The following TNFRSF8 variants were observed in gnomAD, a reference collection of about 807,000 sequenced individuals.
The protein encoded by TNFRSF8 is tumor necrosis factor receptor superfamily member 8.
TNFRSF8 carries 26 observed loss-of-function variants against 70.8 expected under a neutral mutation model. That is an observed-to-expected ratio of 0.37 (90% CI 0.27 to 0.51). TNFRSF8 has a LOEUF of 0.51. TNFRSF8 is among the 20% of genes least tolerant of loss of function. The pLI is 0.94. For synonymous variants in TNFRSF8, 356 were observed against 339.2 expected (o/e 1.05, Z -0.54); for missense variants, 720 against 807.9 (o/e 0.89, Z 1.32).
At chr1:12,070,710 T>C (rs1640827012) in intron 1 of TNFRSF8, among the ~76,000 whole-genome samples, 1 of 152,168 alleles carries the variant, frequency 6.6e-6, no homozygotes, top group South Asian at 2.1e-4. Context: ...AGGGATCCTG[T>C]CCGTATTTGG....
At chr1:12,131,433 G>C (rs1642045145) in intron 12 of TNFRSF8, among the ~76,000 whole-genome samples, 1 of 152,224 alleles carries the variant, frequency 6.6e-6, no homozygotes, top group South Asian at 2.1e-4. Context: ...CTGAGCAACA[G>C]AGCGAGCCTC....
chr1:12,109,723 A>C lies in TNFRSF8; in HGVS notation c.512+67A>C. On this transcript the variant is annotated intron_variant, in intron 5 of 14. Coordinates refer to ENST00000263932, the MANE Select transcript of TNFRSF8 (RefSeq NM_001243.5). This position sits in a 1 kb window ranked among gnomAD's most constrained non-coding sequence, Gnocchi z 4.4. ...CTTTCAGATGAGGCTGCCCCACCCC[A>C]CAGGACGCCCATGGTACAACTGGGC... 7.3e-7 allele frequency: 1 copy of C among 1,367,236 alleles called. No homozygotes were observed. The highest frequency in any genetic ancestry group is 1.0e-6 in the Non-Finnish European group (1 of 963,506). The allele number at this position is 1,367,236 out of a possible 1,614,324, so 84.7% of individuals were successfully genotyped here. A position where few individuals can be genotyped will look rare whatever the true frequency, so the allele number is the denominator to read the frequency against.
At position 12,142,676 on chromosome 1, in the gene TNFRSF8, C is replaced by A; in HGVS notation, c.*145C>A. 1 of 1,151,958 alleles carries A rather than the reference C, an allele frequency of 8.7e-7. No homozygotes were observed. The highest frequency in any genetic ancestry group is 1.2e-6 in the Non-Finnish European group (1 of 837,280). The allele number at this position is 1,151,958 out of a possible 1,614,324, so 71.4% of individuals were successfully genotyped here. A position where few individuals can be genotyped will look rare whatever the true frequency, so the allele number is the denominator to read the frequency against. On this transcript the variant is annotated 3_prime_UTR_variant, in exon 15 of 15. Transcript: ENST00000263932. This position sits in a 1 kb window ranked among gnomAD's most constrained non-coding sequence, Gnocchi z 5.0. ...CTAGTGGTGGACCGGCCGGTCACTG[C>A]AGGGGTCTGGTGGTCTCTGCTTGCA...
intron 1 of TNFRSF8, among the ~76,000 whole-genome samples, chr1:12,069,449 G>A (rs903009678): frequency 6.6e-6 from 1 of 152,076 alleles, no homozygotes; most frequent in Non-Finnish European, 1.5e-5. Context: ...CAAAGTGCTG[G>A]GAATACAGGG....
intron 8 of TNFRSF8, among the ~76,000 whole-genome samples, chr1:12,120,918 C>T (rs1164749064): frequency 3.9e-5 from 6 of 152,186 alleles, no homozygotes; most frequent in Non-Finnish European, 1.5e-5. Context: ...TCTGCACATA[C>T]AGGAGGGACA....
Position 12,083,459 on chromosome 1 carries a change from C to T in TNFRSF8, c.64-1005C>T, listed in dbSNP as rs567260272. Among the ~76,000 whole-genome samples, 69 of 152,226 alleles carry T rather than the reference C, an allele frequency of 4.5e-4. 1 individual carries two copies. Among genetic ancestry groups the T allele is most frequent in the South Asian group, 1.0e-3 (5 of 4,826 alleles). ...ATCCCAGCACTTTGGGAGGCCAAGG[C>T]GGGTGGATCATTTGAGGTCAGGAAT... On this transcript the variant is annotated intron_variant, in intron 1 of 14. Coordinates refer to ENST00000263932, the MANE Select transcript of TNFRSF8 (RefSeq NM_001243.5).
chr1:12,064,215 C>G (rs1015387097), intron 1 of TNFRSF8, among the ~76,000 whole-genome samples: 51 of 152,148 alleles, frequency 3.4e-4, no homozygotes, highest in Non-Finnish European at 5.6e-4. Context: ...CCGCGTCCGG[C>G]AAAGCAACGC....
intron 1 of TNFRSF8, among the ~76,000 whole-genome samples, chr1:12,066,287 G>T (rs965709599): frequency 2.0e-5 from 3 of 151,398 alleles, no homozygotes; most frequent in South Asian, 4.2e-4. Context: ...TTCCAGTAAA[G>T]GTTCGGGAAG....
Position 12,123,770 on chromosome 1 carries a change from A to G in TNFRSF8, c.1096A>G (p.Ile366Val), listed in dbSNP as rs777239308. The change falls in exon 10 of 15, where the codon ATC (isoleucine) becomes GTC (valine). Residue 366 changes from isoleucine to valine, a missense_variant. Physicochemically the swap from Ile to Val is conservative, Grantham distance 29. Transcript: ENST00000263932. ...VDSQASKTLP[I>V]PTSAPVALSS... ...CTCCCAGGCCAGTAAGACGCTGCCC[A>G]TCCCAACCAGCGCTCCCGTCGCTCT... is the stretch of plus-strand genomic sequence containing the variant. 2.5e-6 allele frequency: 4 copies of G among 1,581,154 alleles called. No individual in the cohort carries two copies. Among genetic ancestry groups the G allele is most frequent in the Non-Finnish European group, 3.4e-6 (4 of 1,163,122 alleles).
chr1:12,111,951 T>C lies in TNFRSF8; in HGVS notation c.730T>C (p.Cys244Arg). ...PEGSGDCRKQ[C>R]EPDYYLDEAG... ...GGGGTCTGGTGATTGCAGAAAGCAG[T>C]GTGAGCCCGACTACTACCTGGACGA... The change falls in exon 7 of 15, where the codon TGT becomes CGT. Residue 244 changes from cysteine to arginine, a missense_variant. Coordinates refer to ENST00000263932, the MANE Select transcript of TNFRSF8 (RefSeq NM_001243.5). The C allele has an allele frequency of 2.5e-6, 4 of 1,614,200 alleles. No homozygotes were observed. Among genetic ancestry groups the C allele is most frequent in the Non-Finnish European group, 3.4e-6 (4 of 1,180,030 alleles).
chr1:12,109,429 CGG>C lies in TNFRSF8; in HGVS notation c.422-135_422-134del. On this transcript the variant is annotated intron_variant, in intron 4 of 14. Transcript: ENST00000263932. This position sits in a 1 kb window ranked among gnomAD's most constrained non-coding sequence, Gnocchi z 4.4. ...ACTCTGAAGGGGAACGGGTGCCAGG[CGG>C]GTGCCACCTCCAGATGACTGCTGTG... 1 of 634,354 alleles carries C rather than the reference CGG, an allele frequency of 1.6e-6. No homozygotes were observed. Among genetic ancestry groups the C allele is most frequent in the Admixed American group, 2.8e-5 (1 of 36,064 alleles). The allele number at this position is 634,354 out of a possible 1,614,324, so 39.3% of individuals were successfully genotyped here.
rs1160465931 is a variant in TNFRSF8 at position 12,105,558 on chromosome 1, C to G, written c.421+1027C>G. Among the ~76,000 whole-genome samples the G allele has an allele frequency of 5.9e-5, 7 of 118,826 alleles. No homozygotes were observed. In the East Asian group the frequency reaches 1.5e-3, roughly 26 times the overall value. The allele number at this position is 118,826 out of a possible 152,430, so 78.0% of individuals were successfully genotyped here. ...TCTCTCTCTCTCTCTCTCACTCACT[C>G]ACTCTCTCTCTGTCTCACACACACA... is the stretch of plus-strand genomic sequence containing the variant. On this transcript the variant is annotated intron_variant, in intron 4 of 14. Transcript: ENST00000263932.
chr1:12,138,295 C>G lies in TNFRSF8; in HGVS notation c.1402C>G (p.Leu468Val). The change falls in exon 14 of 15, where the codon CTG becomes GTG. Residue 468 changes from leucine (L) to valine (V), a missense_variant. Coordinates refer to ENST00000263932, the MANE Select transcript of TNFRSF8 (RefSeq NM_001243.5). This position sits in a 1 kb window ranked among gnomAD's most constrained non-coding sequence, Gnocchi z 5.7. ...AEERGLMSQP[L>V]METCHSVGAA... ...AGAGCGAGGGTTAATGAGCCAGCCA[C>G]TGATGGAGACCTGCCACAGCGTGGG... The G allele has an allele frequency of 6.2e-7, 1 of 1,613,638 alleles. No homozygotes were observed. The highest frequency in any genetic ancestry group is 1.1e-5 in the South Asian group (1 of 91,080).
At chr1:12,123,549 C>T (rs1341067014) in intron 9 of TNFRSF8, among the ~76,000 whole-genome samples, 166 bp from the exon 10 acceptor site, 3 of 152,296 alleles carry the variant, frequency 2.0e-5, no homozygotes, top group East Asian at 3.9e-4. Context: ...AGCCAGAAGG[C>T]CTTGAAACCC....
chr1:12,111,813 A>G, intron 6 of TNFRSF8, 85 bp from the exon 7 acceptor site: 1 of 1,101,388 alleles, frequency 9.1e-7, no homozygotes, highest in Non-Finnish European at 1.4e-6. Context: ...GGCCACGGTG[A>G]GGGATGGGGG....
chr1:12,072,236 A>G (rs759909578), intron 1 of TNFRSF8, among the ~76,000 whole-genome samples: 4 of 152,198 alleles, frequency 2.6e-5, no homozygotes, highest in Non-Finnish European at 5.9e-5. Flanking sequence ...GTGCTGTGCA[A>G]ATAAAGGTGA....
intron 1 of TNFRSF8, among the ~76,000 whole-genome samples, chr1:12,073,025 C>A (rs898698005): frequency 6.6e-5 from 10 of 152,216 alleles, no homozygotes; most frequent in African/African-American, 2.4e-4. Flanking sequence ...CCAAGGCTCA[C>A]GCCTGTATTC....
intron 7 of TNFRSF8, among the ~76,000 whole-genome samples, chr1:12,114,719 T>G (rs1423037627): frequency 1.5e-5 from 2 of 133,216 alleles, no homozygotes; most frequent in South Asian, 5.2e-4. Flanking sequence ...TTTTTTTTTT[T>G]TTTTAAATAG....
chr1:12,069,615 G>A (rs952259729), intron 1 of TNFRSF8, among the ~76,000 whole-genome samples: 5 of 152,182 alleles, frequency 3.3e-5, no homozygotes, highest in Non-Finnish European at 7.3e-5. Context: ...TCCTCACGTA[G>A]CGTGAGCTCA....
Sources: gnomAD v4.1 joint callset for allele counts (sites outside exome capture counted in the v4.1 genomes callset) on GRCh38, gnomAD v4.1.1 for gene constraint, Gnocchi (gnomAD v3.1) non-coding constraint, MANE v1.5 for transcripts, NCBI Gene and HGNC (gene_info 2026-07-23, HGNC 2026-07-21) for gene names.